Variants in R3HCC1L observed in about 807,000 individuals in gnomAD.
R3HCC1L encodes R3H domain and coiled-coil containing 1 like.
A neutral mutation model predicts 59.9 loss-of-function variants in R3HCC1L; 51 were observed. The ratio of observed to expected loss-of-function variants is 0.85; its 90% CI spans 0.68 to 1.07. The LOEUF (loss-of-function observed/expected upper bound fraction) is 1.07. R3HCC1L is among the 50% of genes least tolerant of loss of function. The pLI is 0.00. For synonymous variants in R3HCC1L, 322 were observed against 315.2 expected (o/e 1.02, Z -0.23); for missense variants, 965 against 933.0 (o/e 1.03, Z -0.45).
At chr10:98,174,780 A>G (rs1848838020) in intron 4 of R3HCC1L, 1 of 976,390 alleles carries the variant, frequency 1.0e-6, no homozygotes, top group African/African-American at 1.8e-5. Flanking sequence ...AGCCTAGTTT[A>G]TATATTGTAT....
At chr10:98,229,085 A>G (rs1259536985) in intron 5 of R3HCC1L, among the ~76,000 whole-genome samples, 4 of 152,072 alleles carry the variant, frequency 2.6e-5, no homozygotes, top group Non-Finnish European at 4.4e-5. Flanking sequence ...TTGGTTCCAT[A>G]TGAACTTTAA....
chr10:98,228,941 G>A (rs1448748589), intron 5 of R3HCC1L, among the ~76,000 whole-genome samples: 2 of 152,228 alleles, frequency 1.3e-5, no homozygotes, highest in African/African-American at 2.4e-5. Context: ...CCATTGGCCT[G>A]TATCTCTGTT....
At chr10:98,143,335 A>G (rs567371779) in intron 1 of R3HCC1L, among the ~76,000 whole-genome samples, 1 of 152,346 alleles carries the variant, frequency 6.6e-6, no homozygotes, top group Non-Finnish European at 1.5e-5. Flanking sequence ...ACTTGTGACC[A>G]TCTCTCAATA....
chr10:98,174,349 C>T (rs368649912), intron 4 of R3HCC1L: 1 of 368,450 alleles, frequency 2.7e-6, no homozygotes, highest in African/African-American at 2.2e-5. Flanking sequence ...AATAAACTTC[C>T]AGGAAGTTAT....
At chr10:98,244,020 A>T (rs1857834184) in intron 9 of R3HCC1L, 71 bp from the exon 10 acceptor site, 8 of 1,399,840 alleles carry the variant, frequency 5.7e-6, no homozygotes, top group Non-Finnish European at 8.1e-6. Flanking sequence ...TTTGCCTTGT[A>T]ATTTGGATTA....
intron 1 of R3HCC1L, among the ~76,000 whole-genome samples, chr10:98,138,386 T>A (rs948509022): frequency 6.6e-6 from 1 of 152,226 alleles, no homozygotes; most frequent in African/African-American, 2.4e-5. Context: ...ATTTTTCCTT[T>A]ATGTTTTAAT....
intron 1 of R3HCC1L, among the ~76,000 whole-genome samples, chr10:98,151,888 G>A (rs999888929): frequency 6.6e-6 from 1 of 152,180 alleles, no homozygotes; most frequent in African/African-American, 2.4e-5. Context: ...TGTCTGTTGA[G>A]TAAGAAATTC....
intron 6 of R3HCC1L, among the ~76,000 whole-genome samples, chr10:98,232,658 G>T (rs572248807): frequency 6.6e-6 from 1 of 152,292 alleles, no homozygotes; most frequent in East Asian, 1.9e-4. Flanking sequence ...GGTCTGTAGT[G>T]TGATATAACA....
chr10:98,237,791 C>G (rs899656309), intron 9 of R3HCC1L, among the ~76,000 whole-genome samples: 2 of 152,118 alleles, frequency 1.3e-5, no homozygotes, highest in Non-Finnish European at 2.9e-5. Context: ...TGATGTATTT[C>G]TTTCTGGCAT....
At chr10:98,191,343 A>G (rs1194884383) in intron 4 of R3HCC1L, among the ~76,000 whole-genome samples, 1 of 152,212 alleles carries the variant, frequency 6.6e-6, no homozygotes, top group Non-Finnish European at 1.5e-5. Flanking sequence ...AATGATTGCC[A>G]TTCTAACTGG....
chr10:98,164,429 G>C (rs1847740906), intron 4 of R3HCC1L, among the ~76,000 whole-genome samples: 1 of 152,122 alleles, frequency 6.6e-6, no homozygotes, highest in Non-Finnish European at 1.5e-5. Context: ...GGTATTTCTG[G>C]ATGTTTTGCA....
At chr10:98,164,352 C>A (rs1438983738) in intron 4 of R3HCC1L, among the ~76,000 whole-genome samples, 3 of 152,098 alleles carry the variant, frequency 2.0e-5, no homozygotes, top group Non-Finnish European at 2.9e-5. Flanking sequence ...AAGAGAGGAA[C>A]AAGATTATCC....
intron 4 of R3HCC1L, among the ~76,000 whole-genome samples, chr10:98,173,331 A>G (rs1387672829): frequency 6.6e-6 from 1 of 152,134 alleles, no homozygotes; most frequent in African/African-American, 2.4e-5. Flanking sequence ...ATCCCTAGCC[A>G]TAGCCAGCTT....
At chr10:98,210,034 G>C (rs1212987771) in intron 5 of R3HCC1L, 135 bp downstream of exon 5, 1 of 666,432 alleles carries the variant, frequency 1.5e-6, no homozygotes, top group Admixed American at 3.0e-5. Context: ...TGTAGATTAA[G>C]AAGAGAATAT....
chr10:98,237,761 A>G (rs1857118837), intron 9 of R3HCC1L, among the ~76,000 whole-genome samples: 1 of 152,088 alleles, frequency 6.6e-6, no homozygotes, highest in African/African-American at 2.4e-5. Flanking sequence ...TATCTGAGGA[A>G]ATGCATCTGG....
intron 1 of R3HCC1L, among the ~76,000 whole-genome samples, chr10:98,153,631 A>G (rs11189495): frequency 1.4e-5 from 2 of 147,152 alleles, no homozygotes; most frequent in Non-Finnish European, 1.5e-5. Flanking sequence ...AAAAAAAAAA[A>G]GAAGTTTAGA....
chr10:98,150,062 G>A (rs535590529), intron 1 of R3HCC1L, among the ~76,000 whole-genome samples: 50 of 152,218 alleles, frequency 3.3e-4, no homozygotes, highest in African/African-American at 1.1e-3. Flanking sequence ...TCTTTCCTCT[G>A]TGTGATCCTT....
In R3HCC1L at chr10:98,145,725, C is replaced by T. The variant is rs55984825; in HGVS notation, c.-267-10368C>T. Among the ~76,000 whole-genome samples, 1,034 of 152,138 alleles carry T rather than the reference C, an allele frequency of 6.8e-3. 18 individuals are homozygous for T. The highest frequency in any genetic ancestry group is 0.024 in the African/African-American group (988 of 41,512). On this transcript the variant is annotated intron_variant, in intron 1 of 9. Transcript: ENST00000298999. ...CCAGCACTTTGGGAGGCTGAGGCAG[C>T]GGATCACGAGGTCAGGAGATCGAGA...
rs767835904 is a variant in R3HCC1L at position 98,209,170 on chromosome 10, A to C, written c.1056A>C (p.Thr352=). The C allele has an allele frequency of 8.7e-6, 14 of 1,613,918 alleles. No homozygotes were observed. In the Admixed American group the frequency reaches 1.3e-4, roughly 15 times the overall value. Residue 352 remains threonine, a synonymous_variant, in exon 5 of 10, where the codon ACA becomes ACC. Transcript: ENST00000298999. ...ATGTAAAGCACGAACCTCCTGATAC[A>C]GCTGTCCTTGCTCATGAAACACATA... is the stretch of plus-strand genomic sequence containing the variant. ...ELHVKHEPPD[T]AVLAHETHRD...
Sources: allele counts gnomAD v4.1 joint callset (sites outside exome capture counted in the v4.1 genomes callset), GRCh38; gene constraint gnomAD v4.1.1; transcripts MANE v1.5; gene names NCBI Gene and HGNC (gene_info 2026-07-23, HGNC 2026-07-21).